The following HCN1 variants were observed in gnomAD, a reference collection of about 807,000 sequenced individuals.
HCN1 encodes the protein potassium/sodium hyperpolarization-activated cyclic nucleotide-gated channel 1.
In HCN1, 13 loss-of-function variants were observed where a neutral mutation model predicts 78.9. The observed-to-expected ratio is 0.16, with a 90% CI of 0.11 to 0.26. The LOEUF (loss-of-function observed/expected upper bound fraction) is 0.26. HCN1 is among the 10% of genes least tolerant of loss of function. The pLI, the probability that HCN1 is intolerant of heterozygous loss-of-function variation, is 1.00. For missense variants in HCN1, 810 were observed against 1,154.3 expected (o/e 0.70, Z 4.32); for synonymous variants, 552 against 455.5 (o/e 1.21, Z -2.70).
chr5:45,368,214 G>A (rs1361687560), intron 4 of HCN1, among the ~76,000 whole-genome samples: 1 of 151,988 alleles, frequency 6.6e-6, no homozygotes, highest in African/African-American at 2.4e-5. Context: ...AAAATCAGCT[G>A]AGGCTGCAAG....
At chr5:45,276,373 C>A (rs985598331) in intron 6 of HCN1, among the ~76,000 whole-genome samples, 1 of 152,062 alleles carries the variant, frequency 6.6e-6, no homozygotes, top group African/African-American at 2.4e-5. Flanking sequence ...TGTCTTACTG[C>A]AAAGCAGGTT....
intron 6 of HCN1, among the ~76,000 whole-genome samples, chr5:45,299,284 G>A (rs949294609): frequency 1.3e-5 from 2 of 151,944 alleles, no homozygotes; most frequent in African/African-American, 4.8e-5. Flanking sequence ...AGCAATGAAA[G>A]ATGTTTACAT....
intron 2 of HCN1, among the ~76,000 whole-genome samples, chr5:45,614,389 T>C (rs957001260): frequency 2.0e-5 from 3 of 152,146 alleles, no homozygotes; most frequent in Non-Finnish European, 2.9e-5. Flanking sequence ...ACACTTGTAA[T>C]ATCCATGTCT....
intron 2 of HCN1, among the ~76,000 whole-genome samples, chr5:45,496,434 G>A (rs967711602): frequency 6.6e-6 from 1 of 152,100 alleles, no homozygotes; most frequent in African/African-American, 2.4e-5. Flanking sequence ...AATAGTTTCA[G>A]AAGGAATGGT....
At chr5:45,431,046 A>C (rs1026262463) in intron 3 of HCN1, among the ~76,000 whole-genome samples, 2 of 152,180 alleles carry the variant, frequency 1.3e-5, no homozygotes, top group African/African-American at 4.8e-5. Flanking sequence ...TGGTTGAACT[A>C]AACTCCCAGC....
intron 1 of HCN1, among the ~76,000 whole-genome samples, chr5:45,659,654 A>T (rs1745879433): frequency 1.4e-5 from 2 of 143,440 alleles, no homozygotes; most frequent in African/African-American, 5.3e-5. Flanking sequence ...CTACGTGAAG[A>T]ATGCAGAAGC....
intron 2 of HCN1, chr5:45,575,618 TAAATA>T (rs533505554): frequency 5.8e-4 from 88 of 152,226 alleles, no homozygotes; most frequent in African/African-American, 1.9e-3. Flanking sequence ...CTGTGCTCTA[TAAATA>T]AAATAACAAA....
intron 1 of HCN1, among the ~76,000 whole-genome samples, chr5:45,680,970 G>A (rs1020196258): frequency 2.0e-5 from 3 of 151,934 alleles, no homozygotes; most frequent in African/African-American, 7.2e-5. Context: ...TATTACCCTG[G>A]TAGTCTTTGA....
At chr5:45,307,066 G>T (rs370220928) in intron 5 of HCN1, among the ~76,000 whole-genome samples, 1 of 152,036 alleles carries the variant, frequency 6.6e-6, no homozygotes, top group East Asian at 1.9e-4. Flanking sequence ...CAGTAATGAA[G>T]GTATTTCAAA....
At chr5:45,616,257 T>C (rs1394237263) in intron 2 of HCN1, among the ~76,000 whole-genome samples, 1 of 151,928 alleles carries the variant, frequency 6.6e-6, no homozygotes, top group Non-Finnish European at 1.5e-5. Flanking sequence ...ATGGAGCACT[T>C]ATAATCTATG....
At chr5:45,577,320 C>G (rs1194313934) in intron 2 of HCN1, among the ~76,000 whole-genome samples, 1 of 151,958 alleles carries the variant, frequency 6.6e-6, no homozygotes, top group African/African-American at 2.4e-5. Flanking sequence ...ATCCAGAAAG[C>G]TTAATAGAGG....
chr5:45,452,975 A>G (rs1009488196), intron 3 of HCN1, among the ~76,000 whole-genome samples: 4 of 152,154 alleles, frequency 2.6e-5, no homozygotes, highest in Admixed American at 6.5e-5. Flanking sequence ...TGATTCTGTC[A>G]TATATCTCTA....
chr5:45,385,000 C>T (rs1561135633), intron 4 of HCN1, among the ~76,000 whole-genome samples: 1 of 152,108 alleles, frequency 6.6e-6, no homozygotes, highest in African/African-American at 2.4e-5. Context: ...ATTAAACAGA[C>T]AACTTTTAAA....
chr5:45,601,164 T>C (rs1744613559), intron 2 of HCN1, among the ~76,000 whole-genome samples: 1 of 152,034 alleles, frequency 6.6e-6, no homozygotes, highest in Admixed American at 6.6e-5. Context: ...CCTTGGAGAG[T>C]AGGTGGGCAC....
At chr5:45,316,200 A>G (rs1055352527) in intron 5 of HCN1, among the ~76,000 whole-genome samples, 2 of 152,198 alleles carry the variant, frequency 1.3e-5, no homozygotes, top group African/African-American at 4.8e-5. Context: ...CAGCACATCT[A>G]AAAGGTTATC....
intron 5 of HCN1, among the ~76,000 whole-genome samples, chr5:45,325,384 G>C (rs189550587): frequency 6.6e-6 from 1 of 151,688 alleles, no homozygotes; most frequent in Admixed American, 6.6e-5. Flanking sequence ...ACATCTAATT[G>C]AGAAAGAAAG....
At chr5:45,286,142 T>C (rs1745266198) in intron 6 of HCN1, among the ~76,000 whole-genome samples, 1 of 151,980 alleles carries the variant, frequency 6.6e-6, no homozygotes, top group Non-Finnish European at 1.5e-5. Flanking sequence ...GGGAGTATTA[T>C]TTTGTGTCTT....
intron 4 of HCN1, among the ~76,000 whole-genome samples, chr5:45,355,691 T>G (rs1456770076): frequency 6.6e-6 from 1 of 151,874 alleles, no homozygotes; most frequent in Admixed American, 6.6e-5. Flanking sequence ...ATGTGTCAAA[T>G]GAGGCGAAAA....
intron 2 of HCN1, among the ~76,000 whole-genome samples, chr5:45,614,072 G>A (rs1744896425): frequency 6.6e-6 from 1 of 152,092 alleles, no homozygotes; most frequent in Non-Finnish European, 1.5e-5. Flanking sequence ...CCCAAATACT[G>A]TTTTTCCTGT....
Sources: gnomAD v4.1 joint callset for allele counts (sites outside exome capture counted in the v4.1 genomes callset) on GRCh38, gnomAD v4.1.1 for gene constraint, MANE v1.5 for transcripts, NCBI Gene and HGNC (gene_info 2026-07-23, HGNC 2026-07-21) for gene names.